Variants in FAM227B observed in about 807,000 individuals in gnomAD.
FAM227B encodes family with sequence similarity 227 member B.
Under a neutral mutation model 73.8 loss-of-function variants are expected in FAM227B, and 88 were observed. The observed-to-expected ratio is 1.19, with a 90% CI of 1.00 to 1.42. The LOEUF (loss-of-function observed/expected upper bound fraction) is 1.42, where lower values mean the gene tolerates loss of function less well. FAM227B is among the 40% of genes most tolerant of loss of function. The pLI is 0.00. For synonymous variants in FAM227B, 210 were observed against 190.5 expected, an observed-to-expected ratio of 1.10 and a Z score of -0.84; for missense variants, 632 against 590.9, an observed-to-expected ratio of 1.07 and a Z score of -0.72.
chr15:49,483,876 T>C (rs1039800408), intron 11 of FAM227B, among the ~76,000 whole-genome samples: 1 of 152,052 alleles, frequency 6.6e-6, no homozygotes, highest in African/African-American at 2.4e-5. Context: ...TCCATTACCA[T>C]TGAAGACAAT....
At chr15:49,473,713 T>C (rs2054994462) in intron 11 of FAM227B, among the ~76,000 whole-genome samples, 1 of 152,120 alleles carries the variant, frequency 6.6e-6, no homozygotes, top group Non-Finnish European at 1.5e-5. Flanking sequence ...ATTGTAAAAA[T>C]AAGTGAGCTA....
intron 9 of FAM227B, among the ~76,000 whole-genome samples, chr15:49,547,314 A>G (rs549128695): frequency 1.3e-5 from 2 of 151,594 alleles, no homozygotes; most frequent in South Asian, 2.1e-4. Flanking sequence ...AGTACCAGCC[A>G]CTGCAAAAAC....
intron 10 of FAM227B, among the ~76,000 whole-genome samples, chr15:49,511,150 T>C (rs1202722403): frequency 6.6e-6 from 1 of 152,128 alleles, no homozygotes; most frequent in Non-Finnish European, 1.5e-5. Flanking sequence ...TCTCTCTGTT[T>C]TCTCTTTTTG....
intron 3 of FAM227B, among the ~76,000 whole-genome samples, chr15:49,590,953 A>AT (rs1205524695): frequency 6.7e-6 from 1 of 148,722 alleles, no homozygotes; most frequent in African/African-American, 2.5e-5. Context: ...ACATAGCATC[A>AT]TGTCCTCCAA....
Position 49,423,307 on chromosome 15 carries a change from G to A in FAM227B, c.1013-51908C>T, listed in dbSNP as rs900216765. 7.9e-5 allele frequency: 12 copies of A among 152,008 alleles called. 1 individual carries two copies. The highest frequency in any genetic ancestry group is 7.2e-4 in the Admixed American group (11 of 15,230). 9.4% of individuals were successfully genotyped at this position (152,008 alleles called of 1,614,324 possible). A position where few individuals can be genotyped will look rare whatever the true frequency, so the allele number is the denominator to read the frequency against. ...AAAATCCTTCTGCCTGTTGATTTAT[G>A]GAAACAATTATGATTCTGCTGGAGA... On this transcript the variant is annotated intron_variant, in intron 11 of 15. Coordinates refer to ENST00000299338, the MANE Select transcript of FAM227B (RefSeq NM_152647.3).
At chr15:49,394,068 T>C (rs1451780652) in intron 11 of FAM227B, among the ~76,000 whole-genome samples, 1 of 152,078 alleles carries the variant, frequency 6.6e-6, no homozygotes, top group Non-Finnish European at 1.5e-5. Context: ...ATCACAGGTA[T>C]TGGTGATGAT....
At chr15:49,568,933 T>C (rs530170578) in intron 8 of FAM227B, among the ~76,000 whole-genome samples, 24 of 152,132 alleles carry the variant, frequency 1.6e-4, no homozygotes, top group South Asian at 4.1e-4. Flanking sequence ...TTCAACTTTT[T>C]GAAAGAGTTT....
intron 13 of FAM227B, among the ~76,000 whole-genome samples, chr15:49,349,848 A>G (rs538576752): frequency 5.3e-5 from 8 of 152,280 alleles, no homozygotes; most frequent in African/African-American, 1.9e-4. Flanking sequence ...GTAAGCAAAA[A>G]CGATAAAAAA....
chr15:49,613,305 A>T (rs908623463), intron 2 of FAM227B, among the ~76,000 whole-genome samples: 7 of 152,180 alleles, frequency 4.6e-5, no homozygotes, highest in African/African-American at 1.7e-4. Context: ...GCTTGAGGTC[A>T]ACAGTACAAG....
intron 11 of FAM227B, among the ~76,000 whole-genome samples, chr15:49,442,538 T>C (rs79896710): frequency 0.024 from 3,680 of 151,810 alleles, 115 homozygotes; most frequent in South Asian, 0.15. Flanking sequence ...TCTATTATAT[T>C]ACCTCTTTTC....
rs527670640 is a variant in FAM227B at position 49,458,091 on chromosome 15, A to G, written c.1012+50120T>C. Reference sequence around the variant, plus strand: ...GTAAAAATTCTCTGAAAACTTAGTGAAAGGTGCTGAGGTAGGGCTTCAGCT... The same window carrying G: ...GTAAAAATTCTCTGAAAACTTAGTGGAAGGTGCTGAGGTAGGGCTTCAGCT... On this transcript the variant is annotated intron_variant, in intron 11 of 15. Coordinates refer to ENST00000299338, the MANE Select transcript of FAM227B (RefSeq NM_152647.3). Among the ~76,000 whole-genome samples the G allele has an allele frequency of 3.3e-5, 5 of 152,102 alleles. No individual in the cohort carries two copies. In the South Asian group the frequency reaches 6.2e-4, roughly 19 times the overall value.
At chr15:49,548,399 A>T (rs1221834010) in intron 9 of FAM227B, among the ~76,000 whole-genome samples, 1 of 152,000 alleles carries the variant, frequency 6.6e-6, no homozygotes, top group African/African-American at 2.4e-5. Flanking sequence ...GATCTTTCTC[A>T]CGTATTGTTG....
intron 10 of FAM227B, among the ~76,000 whole-genome samples, chr15:49,540,177 T>A (rs1300363797): frequency 1.3e-5 from 2 of 152,168 alleles, no homozygotes; most frequent in Non-Finnish European, 2.9e-5. Context: ...GGATGAACAC[T>A]AAGGGGACAT....
chr15:49,468,444 G>T (rs948255660), intron 11 of FAM227B, among the ~76,000 whole-genome samples: 8 of 152,198 alleles, frequency 5.3e-5, no homozygotes, highest in Non-Finnish European at 1.0e-4. Flanking sequence ...ATTTCTTTTA[G>T]TGTATTCCAA....
At chr15:49,505,004 A>T (rs2058470076) in intron 11 of FAM227B, among the ~76,000 whole-genome samples, 1 of 152,334 alleles carries the variant, frequency 6.6e-6, no homozygotes, top group African/African-American at 2.4e-5. Context: ...ACAAATAGCC[A>T]CCAAAAGATG....
chr15:49,347,816 C>A lies in FAM227B; in HGVS notation c.1272-12320G>T, dbSNP rs926589223. Among the ~76,000 whole-genome samples, 3 of 151,936 alleles carry A rather than the reference C, an allele frequency of 2.0e-5. No individual in the cohort carries two copies. In the South Asian group the frequency reaches 6.2e-4, roughly 32 times the overall value. Reference sequence around the variant, plus strand: ...GGTGGATCACCTGAGGTCAGGAGTTCAAGACCAGCCTGGCCAACATGGTGA... The same window carrying A: ...GGTGGATCACCTGAGGTCAGGAGTTAAAGACCAGCCTGGCCAACATGGTGA... On this transcript the variant is annotated intron_variant, in intron 13 of 15. Coordinates refer to ENST00000299338, the MANE Select transcript of FAM227B (RefSeq NM_152647.3).
At chr15:49,494,392 C>T (rs2057415035) in intron 11 of FAM227B, among the ~76,000 whole-genome samples, 2 of 152,028 alleles carry the variant, frequency 1.3e-5, no homozygotes. Flanking sequence ...TGCAAACTTT[C>T]TGGTTGACTT....
At chr15:49,439,846 C>G (rs1342260591) in intron 11 of FAM227B, among the ~76,000 whole-genome samples, 1 of 151,708 alleles carries the variant, frequency 6.6e-6, no homozygotes. Flanking sequence ...ACAAAGACAA[C>G]TCCACTCTGG....
intron 11 of FAM227B, among the ~76,000 whole-genome samples, chr15:49,468,323 T>G (rs1030028942): frequency 6.6e-6 from 1 of 152,216 alleles, no homozygotes; most frequent in South Asian, 2.1e-4. Flanking sequence ...TATGCAATCA[T>G]GTGGAACTAT....
Sources: gnomAD v4.1 joint callset for allele counts (sites outside exome capture counted in the v4.1 genomes callset) on GRCh38, gnomAD v4.1.1 for gene constraint, MANE v1.5 for transcripts, NCBI Gene and HGNC (gene_info 2026-07-23, HGNC 2026-07-21) for gene names.